MYDGF: variants seen among roughly 807,000 people sequenced by gnomAD.
MYDGF encodes myeloid-derived growth factor.
A neutral mutation model predicts 24.2 loss-of-function variants in MYDGF; 29 were observed. The observed-to-expected ratio is 1.20, with a 90% CI of 0.89 to 1.63. MYDGF has a LOEUF of 1.63. MYDGF is among the 40% of genes most tolerant of loss of function. MYDGF has a pLI of 0.00. For missense variants in MYDGF, 245 were observed against 234.8 expected, an observed-to-expected ratio of 1.04 and a Z score of -0.29; for synonymous variants, 105 against 102.5, an observed-to-expected ratio of 1.02 and a Z score of -0.15.
At chr19:4,666,998 A>C (rs575545542) in intron 2 of MYDGF, among the ~76,000 whole-genome samples, 7 of 152,120 alleles carry the variant, frequency 4.6e-5, no homozygotes, top group African/African-American at 1.7e-4. Context: ...GCGGGACTGA[A>C]GTCTTCATTT....
At chr19:4,665,629 G>A (rs1274573474) in intron 2 of MYDGF, among the ~76,000 whole-genome samples, 1 of 151,674 alleles carries the variant, frequency 6.6e-6, no homozygotes, top group East Asian at 2.0e-4. Context: ...AGACCATCCT[G>A]GCTAACATGA....
At position 4,657,988 on chromosome 19, in the gene MYDGF, C is replaced by T. The variant is rs759359246; in HGVS notation, c.*17G>A. The stretch of plus-strand genomic sequence containing the variant: ...TCACCGGAGATGAGAAGGTGCCACC[C>T]GCAACAGGGCTGCTGGTCACAGCTC... On this transcript the variant is annotated 3_prime_UTR_variant, in exon 6 of 6. Coordinates refer to ENST00000262947, the MANE Select transcript of MYDGF (RefSeq NM_019107.4). 2.7e-5 allele frequency: 43 copies of T among 1,600,484 alleles called. No homozygotes were observed. Among genetic ancestry groups the T allele is most frequent in the East Asian group, 1.8e-4 (8 of 44,586 alleles).
chr19:4,668,623 G>C lies in MYDGF; in HGVS notation c.197C>G (p.Thr66Ser). 6.2e-7 allele frequency: 1 copy of C among 1,613,140 alleles called. No homozygotes were observed. Reference protein sequence around the residue: ...GPGDKYTCMFTYASQGGTNEQ... With the variant: ...GPGDKYTCMFSYASQGGTNEQ... ...ATTGGTCCCTCCTTGAGAGGCGTAA[G>C]TGAACATACACGTATATTTGTCCTA... Residue 66 changes from threonine (T) to serine (S), a missense_variant, in exon 2 of 6, where the codon ACT becomes AGT. Physicochemically the swap from Thr to Ser is moderately conservative, Grantham distance 58. Transcript: ENST00000262947.
At chr19:4,658,160 C>T in intron 5 of MYDGF, 76 bp from the exon 6 acceptor site, 1 of 1,337,664 alleles carries the variant, frequency 7.5e-7, no homozygotes, top group Non-Finnish European at 1.0e-6. Flanking sequence ...GGGTGGGGCC[C>T]ATGGTGGGGG....
chr19:4,658,869 C>T (rs754247692), intron 5 of MYDGF, among the ~76,000 whole-genome samples: 1 of 151,988 alleles, frequency 6.6e-6, no homozygotes, highest in Non-Finnish European at 1.5e-5. Flanking sequence ...GTGGTGCAGT[C>T]TCGACTCACT....
chr19:4,668,956 G>A (rs991886812), intron 1 of MYDGF, among the ~76,000 whole-genome samples: 8 of 151,336 alleles, frequency 5.3e-5, no homozygotes, highest in Admixed American at 5.3e-4. Flanking sequence ...CGATTCTCCT[G>A]CCTCAGCCTC....
rs2088434446 is a variant in MYDGF, at chr19:4,657,837, C to T, written c.*168G>A. Reference sequence around the variant, plus strand: ...GCCCTGGACCCTCTGTTCTCTGCCCCAGGGCTTCAGCCACCCTGCAAGCCC... The same window carrying T: ...GCCCTGGACCCTCTGTTCTCTGCCCTAGGGCTTCAGCCACCCTGCAAGCCC... On this transcript the variant is annotated 3_prime_UTR_variant, in exon 6 of 6. Coordinates refer to ENST00000262947, the MANE Select transcript of MYDGF (RefSeq NM_019107.4). The T allele has an allele frequency of 1.7e-6, 1 of 590,124 alleles. No homozygotes were observed. The highest frequency in any genetic ancestry group is 1.9e-5 in the African/African-American group (1 of 53,322). 36.6% of individuals were successfully genotyped at this position (590,124 alleles called of 1,614,324 possible). A position where few individuals can be genotyped will look rare whatever the true frequency, so the allele number is the denominator to read the frequency against.
chr19:4,659,158 C>T (rs970999580), intron 5 of MYDGF, among the ~76,000 whole-genome samples: 8 of 152,144 alleles, frequency 5.3e-5, no homozygotes, highest in East Asian at 3.9e-4. Flanking sequence ...TCAATGCAGC[C>T]TCGACCTCCT....
At chr19:4,662,398 G>A (rs542326450) in intron 3 of MYDGF, among the ~76,000 whole-genome samples, 1 of 152,378 alleles carries the variant, frequency 6.6e-6, no homozygotes, top group African/African-American at 2.4e-5. Flanking sequence ...GAAGGGACAA[G>A]ATTCCTGAAG....
intron 3 of MYDGF, 73 bp downstream of exon 3, chr19:4,664,803 T>A (rs1163668880): frequency 1.3e-6 from 2 of 1,546,312 alleles, no homozygotes; most frequent in Non-Finnish European, 1.8e-6. Context: ...GTTCCCTGCC[T>A]TCCAAAGCAG....
At chr19:4,663,188 T>G in intron 3 of MYDGF, among the ~76,000 whole-genome samples, 1 of 126,414 alleles carries the variant, frequency 7.9e-6, no homozygotes, top group South Asian at 3.0e-4. Flanking sequence ...CAGCCTCCAA[T>G]CTACCCTCCC....
At chr19:4,660,992 G>A (rs936545113) in intron 3 of MYDGF, among the ~76,000 whole-genome samples, 3 of 134,448 alleles carry the variant, frequency 2.2e-5, no homozygotes, top group Non-Finnish European at 3.1e-5. Flanking sequence ...TTTTGGAGAC[G>A]AGTCTCACTC....
intron 3 of MYDGF, among the ~76,000 whole-genome samples, chr19:4,664,527 GT>G (rs2145186932): frequency 6.6e-6 from 1 of 151,962 alleles, no homozygotes; most frequent in Admixed American, 6.5e-5. Context: ...AAGCCCTTTG[GT>G]GAGTTCGTCT....
At chr19:4,659,501 G>A (rs900564175) in intron 5 of MYDGF, among the ~76,000 whole-genome samples, 3 of 152,146 alleles carry the variant, frequency 2.0e-5, no homozygotes, top group African/African-American at 7.2e-5. Context: ...TGGGATTACA[G>A]GCGTGAGCCA....
intron 2 of MYDGF, among the ~76,000 whole-genome samples, chr19:4,666,295 A>G (rs1323809951): frequency 7.1e-6 from 1 of 141,834 alleles, no homozygotes; most frequent in Non-Finnish European, 1.5e-5. Context: ...TTTTTTTTTG[A>G]GATGGAGTCT....
At chr19:4,663,858 C>T (rs984570925) in intron 3 of MYDGF, among the ~76,000 whole-genome samples, 5 of 140,436 alleles carry the variant, frequency 3.6e-5, no homozygotes, top group African/African-American at 1.3e-4. Flanking sequence ...CTTCAATCTG[C>T]GCCCCACCCC....
chr19:4,660,641 G>T (rs373301282), intron 4 of MYDGF, 28 bp downstream of exon 4: 1 of 1,602,666 alleles, frequency 6.2e-7, no homozygotes, highest in Admixed American at 1.7e-5. Flanking sequence ...AGCCACACCC[G>T]GAGCCTGCCC....
intron 4 of MYDGF, 90 bp downstream of exon 4, chr19:4,660,579 C>A: frequency 8.1e-7 from 1 of 1,235,646 alleles, no homozygotes; most frequent in African/African-American, 1.5e-5. Context: ...CCTCCCTGTC[C>A]CCATGGAGCC....
At chr19:4,660,471 C>G in intron 4 of MYDGF, 198 bp downstream of exon 4, 1 of 565,124 alleles carries the variant, frequency 1.8e-6, no homozygotes, top group Non-Finnish European at 3.1e-6. Flanking sequence ...CCAGCAGCAA[C>G]AGGTTACCAA....
Sources: allele counts gnomAD v4.1 joint callset (sites outside exome capture counted in the v4.1 genomes callset), GRCh38; gene constraint gnomAD v4.1.1; transcripts MANE v1.5; gene names NCBI Gene and HGNC (gene_info 2026-07-23, HGNC 2026-07-21).